Variants in SMARCC1 observed in about 807,000 individuals in gnomAD.
SMARCC1 encodes SWI/SNF related BAF chromatin remodeling complex subunit C1.
Under a neutral mutation model 147.4 loss-of-function variants are expected in SMARCC1, and 43 were observed. The ratio of observed to expected loss-of-function variants is 0.29; its 90% CI spans 0.23 to 0.38. SMARCC1 has a LOEUF of 0.38. Among genes scored for constraint, SMARCC1 ranks in the 10% least tolerant of loss-of-function variants. The pLI is 1.00. For missense variants in SMARCC1, 1,119 were observed against 1,381.1 expected, an observed-to-expected ratio of 0.81 and a Z score of 3.01; for synonymous variants, 495 against 484.4, an observed-to-expected ratio of 1.02 and a Z score of -0.29.
intron 8 of SMARCC1, 28 bp from the exon 9 acceptor site, chr3:47,710,836 TACATAAATAACAA>T: frequency 6.4e-7 from 1 of 1,570,002 alleles, no homozygotes. Flanking sequence ...CATCAATATC[TACATAAATAACAA>T]AATCACTCAA....
chr3:47,649,056 T>C (rs2033154966), intron 21 of SMARCC1, among the ~76,000 whole-genome samples: 1 of 152,214 alleles, frequency 6.6e-6, no homozygotes, highest in African/African-American at 2.4e-5. Context: ...AAATTAAATG[T>C]CCAATTATGA....
At chr3:47,599,382 C>T (rs890554417) in intron 26 of SMARCC1, among the ~76,000 whole-genome samples, 1 of 152,124 alleles carries the variant, frequency 6.6e-6, no homozygotes, top group African/African-American at 2.4e-5. Context: ...AACTCTGCCT[C>T]AAAAAAGTTA....
chr3:47,733,863 C>CA lies in SMARCC1; in HGVS notation c.576+2170dup, dbSNP rs35679222. 2.9e-3 allele frequency among the ~76,000 whole-genome samples: 211 copies of CA among 72,348 alleles called. 4 individuals carry two copies. Among genetic ancestry groups the CA allele is most frequent in the African/African-American group, 8.8e-3 (189 of 21,520 alleles). 47.5% of individuals were successfully genotyped at this position (72,348 alleles called of 152,430 possible). A position where few individuals can be genotyped will look rare whatever the true frequency, so the allele number is the denominator to read the frequency against. ...TGGGCGACACAGCGAGACTCTGTCT[C>CA]AAAAAAAAAAAAAAAAAAGGTATAT... On this transcript the variant is annotated intron_variant, in intron 5 of 27. Transcript: ENST00000254480.
intron 25 of SMARCC1, among the ~76,000 whole-genome samples, chr3:47,615,953 G>C (rs1017240117): frequency 6.6e-6 from 1 of 152,236 alleles, no homozygotes; most frequent in East Asian, 1.9e-4. Flanking sequence ...CAAAGTGCTG[G>C]GATTACAGGC....
intron 26 of SMARCC1, among the ~76,000 whole-genome samples, chr3:47,599,486 A>T (rs544410015): frequency 6.6e-6 from 1 of 152,266 alleles, no homozygotes; most frequent in Non-Finnish European, 1.5e-5. Context: ...TTCAATCCCC[A>T]TAACAACACT....
intron 1 of SMARCC1, among the ~76,000 whole-genome samples, chr3:47,780,168 G>GTC: frequency 1.6e-5 from 1 of 61,896 alleles, no homozygotes; most frequent in Non-Finnish European, 2.8e-5. Flanking sequence ...GTTTTTTTTT[G>GTC]TTTTTTTTTT....
chr3:47,596,077 C>T (rs2106645320), intron 26 of SMARCC1, among the ~76,000 whole-genome samples: 1 of 148,368 alleles, frequency 6.7e-6, no homozygotes, highest in East Asian at 2.0e-4. Flanking sequence ...AAAAACAAAA[C>T]AAAACAAAAC....
intron 26 of SMARCC1, chr3:47,603,854 C>CT (rs1385212380): frequency 2.8e-6 from 1 of 354,780 alleles, no homozygotes; most frequent in Non-Finnish European, 5.5e-6. Flanking sequence ...CTTCCCGTGT[C>CT]TTTTTGTTTG....
At chr3:47,765,199 C>T (rs1481811610) in intron 2 of SMARCC1, among the ~76,000 whole-genome samples, 4 of 151,774 alleles carry the variant, frequency 2.6e-5, no homozygotes, top group Non-Finnish European at 4.4e-5. Context: ...TGCAGTAAGC[C>T]GAGATCGTGC....
chr3:47,737,033 T>C (rs1009552108), intron 4 of SMARCC1, among the ~76,000 whole-genome samples: 5 of 152,158 alleles, frequency 3.3e-5, no homozygotes, highest in Non-Finnish European at 5.9e-5. Flanking sequence ...GGTACAACCA[T>C]GGAACAAATC....
chr3:47,720,285 G>C (rs2034215364), intron 7 of SMARCC1, among the ~76,000 whole-genome samples: 1 of 151,578 alleles, frequency 6.6e-6, no homozygotes, highest in African/African-American at 2.4e-5. Flanking sequence ...CACCACGTCT[G>C]GCTAATTTTT....
At chr3:47,707,988 T>C (rs952934312) in intron 9 of SMARCC1, among the ~76,000 whole-genome samples, 2 of 151,252 alleles carry the variant, frequency 1.3e-5, no homozygotes, top group Admixed American at 1.3e-4. Context: ...ACTGAGAAGC[T>C]TAAACACCTT....
intron 14 of SMARCC1, among the ~76,000 whole-genome samples, chr3:47,682,486 G>A (rs1489498207): frequency 1.3e-5 from 2 of 151,970 alleles, no homozygotes; most frequent in Non-Finnish European, 2.9e-5. Flanking sequence ...ACTATGTTTG[G>A]GCTCAAGCGA....
Position 47,635,274 on chromosome 3 carries a change from C to T in SMARCC1, c.2562G>A (p.Lys854=), listed in dbSNP as rs761098653. 1 of 1,613,214 alleles carries T rather than the reference C, an allele frequency of 6.2e-7. No homozygotes were observed. Among genetic ancestry groups the T allele is most frequent in the Non-Finnish European group, 8.5e-7 (1 of 1,179,376 alleles). The change falls in exon 24 of 28, where the codon AAG becomes AAA. Residue 854 remains lysine, a synonymous_variant. Coordinates refer to ENST00000254480, the MANE Select transcript of SMARCC1 (RefSeq NM_003074.4). ...TCKERESDTG[K]KKVEHEISEG... ...CGGAAATTTCATGTTCTACTTTCTT[C>T]TTCCCAGTATCACTTTCTCTTTCTT... is the stretch of plus-strand genomic sequence containing the variant.
intron 2 of SMARCC1, among the ~76,000 whole-genome samples, chr3:47,753,903 C>A (rs772777230): frequency 6.6e-6 from 1 of 152,044 alleles, no homozygotes; most frequent in Non-Finnish European, 1.5e-5. Flanking sequence ...CAAGAAATCA[C>A]AAAGTCATCC....
At chr3:47,671,840 A>G (rs1395296645) in intron 18 of SMARCC1, among the ~76,000 whole-genome samples, 2 of 152,158 alleles carry the variant, frequency 1.3e-5, no homozygotes, top group African/African-American at 4.8e-5. Flanking sequence ...ACAATCTGTG[A>G]TTTTCCTGTA....
chr3:47,604,844 G>A (rs961318772), intron 26 of SMARCC1, among the ~76,000 whole-genome samples: 5 of 151,962 alleles, frequency 3.3e-5, no homozygotes, highest in African/African-American at 1.2e-4. Context: ...AATTACAGGT[G>A]TGTGCCACCA....
chr3:47,646,061 T>C (rs577130556), intron 21 of SMARCC1, among the ~76,000 whole-genome samples: 1 of 152,292 alleles, frequency 6.6e-6, no homozygotes, highest in South Asian at 2.1e-4. Flanking sequence ...GGCTCACACC[T>C]GTAACCCCAG....
rs779079454 is a variant in SMARCC1, at chr3:47,676,697, T to C, written c.1657A>G (p.Thr553Ala). Reference sequence around the variant, plus strand: ...TCAGCTAATACATTAAAATGAGGAGTAGGAGGAGGTCCCATTGCCATGGGT... The same window carrying C: ...TCAGCTAATACATTAAAATGAGGAGCAGGAGGAGGTCCCATTGCCATGGGT... ...SRPMAMGPPP[T>A]PHFNVLADTP... Residue 553 changes from threonine (T) to alanine (A), a missense_variant, in exon 17 of 28, where the codon ACT (threonine) becomes GCT (alanine). Thr to Ala is a moderately conservative substitution (Grantham distance 58). Transcript: ENST00000254480. 1.2e-6 allele frequency: 2 copies of C among 1,612,554 alleles called. No homozygotes were observed. The highest frequency in any genetic ancestry group is 8.5e-7 in the Non-Finnish European group (1 of 1,179,144).
Sources: gnomAD v4.1 joint callset for allele counts (sites outside exome capture counted in the v4.1 genomes callset) on GRCh38, gnomAD v4.1.1 for gene constraint, MANE v1.5 for transcripts, NCBI Gene and HGNC (gene_info 2026-07-23, HGNC 2026-07-21) for gene names.